The following ANO2 variants were observed in gnomAD, a reference collection of about 807,000 sequenced individuals.
ANO2 encodes anoctamin-2.
Under a neutral mutation model 124.2 loss-of-function variants are expected in ANO2, and 101 were observed. The ratio of observed to expected loss-of-function variants is 0.81; its 90% CI spans 0.69 to 0.96. The LOEUF (loss-of-function observed/expected upper bound fraction) is 0.96, where lower values mean the gene tolerates loss of function less well. Among genes scored for constraint, ANO2 ranks in the 40% least tolerant of loss-of-function variants. The pLI is 0.00. For missense variants in ANO2, 1,293 were observed against 1,274.5 expected (o/e 1.01, Z -0.22); for synonymous variants, 486 against 482.5 (o/e 1.01, Z -0.09).
intron 14 of ANO2, among the ~76,000 whole-genome samples, chr12:5,700,244 C>CA (rs1362107809): frequency 6.6e-6 from 1 of 152,234 alleles, no homozygotes; most frequent in African/African-American, 2.4e-5. Flanking sequence ...AACTGTCTCT[C>CA]AGACCACAGT....
chr12:5,732,835 A>C lies in ANO2; in HGVS notation c.1435-205T>G, dbSNP rs367621588. The C allele has an allele frequency of 1.7e-5, 28 of 1,613,716 alleles. No homozygotes were observed. The African/African-American group carries it at 2.9e-4, about 17-fold the overall frequency. On this transcript the variant is annotated intron_variant, in intron 13 of 24. Transcript: ENST00000682330. ...AACGTGAGGAAGAGACAAGGGACAC[A>C]CAACACTCGTTATCACACTGAAAAC...
intron 12 of ANO2, chr12:5,740,577 C>T (rs1951058113): frequency 2.0e-5 from 3 of 152,504 alleles, no homozygotes; most frequent in Non-Finnish European, 4.4e-5. Context: ...CAATACAAGA[C>T]ATAAAGTGAT....
chr12:5,875,238 T>C (rs1938012049), intron 3 of ANO2, among the ~76,000 whole-genome samples: 1 of 152,208 alleles, frequency 6.6e-6, no homozygotes, highest in African/African-American at 2.4e-5. Flanking sequence ...TGATAGTACC[T>C]GTTTCACGTC....
At chr12:5,610,688 G>A (rs1389420027) in intron 19 of ANO2, among the ~76,000 whole-genome samples, 1 of 117,250 alleles carries the variant, frequency 8.5e-6, no homozygotes, top group Non-Finnish European at 1.8e-5. Flanking sequence ...CAGGAACCTG[G>A]CAAGGGCAAA....
chr12:5,926,099 G>C (rs1252199699), intron 1 of ANO2, among the ~76,000 whole-genome samples: 2 of 152,020 alleles, frequency 1.3e-5, no homozygotes, highest in Non-Finnish European at 2.9e-5. Flanking sequence ...AGCATTTCCT[G>C]CTCCTGCAAA....
intron 4 of ANO2, chr12:5,839,504 A>G (rs1205105850): frequency 6.7e-6 from 3 of 449,834 alleles, no homozygotes; most frequent in Non-Finnish European, 4.5e-6. Context: ...AACTGGACTA[A>G]ATACTTTAAA....
At chr12:5,851,172 A>G (rs1954883848) in intron 4 of ANO2, among the ~76,000 whole-genome samples, 1 of 152,228 alleles carries the variant, frequency 6.6e-6, no homozygotes, top group Non-Finnish European at 1.5e-5. Context: ...CTACAAGTTC[A>G]AATGCAGGTA....
chr12:5,708,382 A>T (rs991266532), intron 14 of ANO2, among the ~76,000 whole-genome samples: 1 of 152,190 alleles, frequency 6.6e-6, no homozygotes, highest in Non-Finnish European at 1.5e-5. Flanking sequence ...AAAAAGGTCA[A>T]ATTCTTAGTC....
At chr12:5,671,604 C>T (rs1173815635) in intron 14 of ANO2, among the ~76,000 whole-genome samples, 2 of 151,946 alleles carry the variant, frequency 1.3e-5, no homozygotes, top group Non-Finnish European at 2.9e-5. Flanking sequence ...CTAAAGCCAC[C>T]CTAGGGACAT....
At chr12:5,944,018 C>CTCACA (rs1278449452) in intron 1 of ANO2, among the ~76,000 whole-genome samples, 1 of 152,126 alleles carries the variant, frequency 6.6e-6, no homozygotes, top group African/African-American at 2.4e-5. Context: ...CAGAGTGGCT[C>CTCACA]TGGTACCCAC....
At position 5,744,320 on chromosome 12, in the gene ANO2, G is replaced by T. The variant is rs778491494; in HGVS notation, c.1191-3C>A. 1.2e-6 allele frequency: 2 copies of T among 1,613,880 alleles called. No homozygotes were observed. The highest frequency in any genetic ancestry group is 2.2e-5 in the South Asian group (2 of 91,054). The stretch of plus-strand genomic sequence containing the variant: ...TCTGCTGGTCACACATCTCTCTGCT[G>T]CAATAGATGGAGGTTGTTGGGTCAG... On this transcript the variant is annotated splice_region_variant and splice_polypyrimidine_tract_variant and intron_variant, in intron 11 of 24. Coordinates refer to ENST00000682330, the MANE Select transcript of ANO2 (RefSeq NM_001364791.2).
At chr12:5,608,693 A>G (rs1204459412) in intron 19 of ANO2, 1 of 152,242 alleles carries the variant, frequency 6.6e-6, no homozygotes, top group Non-Finnish European at 1.5e-5. Flanking sequence ...TAAAACATAC[A>G]AAGTATTAAG....
At chr12:5,758,168 C>G (rs558152393) in intron 10 of ANO2, among the ~76,000 whole-genome samples, 1 of 152,242 alleles carries the variant, frequency 6.6e-6, no homozygotes, top group Non-Finnish European at 1.5e-5. Context: ...GCACATACAG[C>G]CGATGGTACT....
Position 5,810,301 on chromosome 12 carries a change from C to T in ANO2, c.893-2933G>A, listed in dbSNP as rs185664866. 1.7e-4 allele frequency among the ~76,000 whole-genome samples: 26 copies of T among 152,256 alleles called. No homozygotes were observed. In the East Asian group the frequency reaches 4.1e-3, roughly 24 times the overall value. ...CAACAGGGATTTGCTTTGGCCTCCC[C>T]GTTCACCCAGACTTCAGAAACCAAG... On this transcript the variant is annotated intron_variant, in intron 7 of 24. Coordinates refer to ENST00000682330, the MANE Select transcript of ANO2 (RefSeq NM_001364791.2).
intron 1 of ANO2, 79 bp from the exon 2 acceptor site, chr12:5,922,883 A>G (rs902879177): frequency 4.1e-5 from 55 of 1,348,078 alleles, no homozygotes; most frequent in Non-Finnish European, 3.2e-5. Flanking sequence ...GAGTGTACTC[A>G]GACACTAGCC....
chr12:5,780,937 T>C (rs561556308), intron 10 of ANO2, among the ~76,000 whole-genome samples: 18 of 152,366 alleles, frequency 1.2e-4, no homozygotes, highest in Non-Finnish European at 8.8e-5. Flanking sequence ...CGTCCTTCCC[T>C]AGACATCTTT....
intron 3 of ANO2, among the ~76,000 whole-genome samples, chr12:5,887,929 T>C (rs4764583): frequency 0.9 from 136,939 of 151,978 alleles, 61,813 homozygotes; most frequent in African/African-American, 0.94. Flanking sequence ...GTTTGTCTGC[T>C]CACAAAGCAT....
In ANO2 at chr12:5,599,353, T is replaced by C. The variant is rs796823841; in HGVS notation, c.2233+131A>G. On this transcript the variant is annotated intron_variant, in intron 20 of 24. Coordinates refer to ENST00000682330, the MANE Select transcript of ANO2 (RefSeq NM_001364791.2). Reference sequence around the variant, plus strand: ...ATGTGGCACTGAAGGGAACACTGAATAGCCATGAAGCTCATGAAGAAGCAG... The same window carrying C: ...ATGTGGCACTGAAGGGAACACTGAACAGCCATGAAGCTCATGAAGAAGCAG... 31 of 1,120,748 alleles carry C rather than the reference T, an allele frequency of 2.8e-5. No individual in the cohort carries two copies. The African/African-American group carries it at 4.3e-4, about 16-fold the overall frequency. The allele number at this position is 1,120,748 out of a possible 1,614,324, so 69.4% of individuals were successfully genotyped here. A position where few individuals can be genotyped will look rare whatever the true frequency, so the allele number is the denominator to read the frequency against.
chr12:5,867,104 T>C (rs1274967337), intron 3 of ANO2, among the ~76,000 whole-genome samples: 1 of 152,232 alleles, frequency 6.6e-6, no homozygotes, highest in Admixed American at 6.5e-5. Context: ...GCTCTGGCCT[T>C]CCTTCTAGGA....
Sources: allele counts gnomAD v4.1 joint callset (sites outside exome capture counted in the v4.1 genomes callset), GRCh38; gene constraint gnomAD v4.1.1; transcripts MANE v1.5; gene names NCBI Gene and HGNC (gene_info 2026-07-23, HGNC 2026-07-21).